The following KCTD16 variants were observed in gnomAD, a reference collection of about 807,000 sequenced individuals.
KCTD16 encodes the protein potassium channel tetramerization domain containing 16.
In KCTD16, 13 loss-of-function variants were observed where a neutral mutation model predicts 33.2. The ratio of observed to expected loss-of-function variants is 0.39; its 90% CI spans 0.25 to 0.62. The LOEUF (loss-of-function observed/expected upper bound fraction) is 0.62. Among genes scored for constraint, KCTD16 ranks in the 20% least tolerant of loss-of-function variants. The probability of loss-of-function intolerance (pLI) is 0.50; values close to 1 mark genes in which losing one functional copy is unlikely to be tolerated. For synonymous variants in KCTD16, 197 were observed against 195.3 expected (o/e 1.01, Z -0.07); for missense variants, 441 against 525.1 (o/e 0.84, Z 1.57).
chr5:144,203,233 T>A (rs1448904206), intron 2 of KCTD16, among the ~76,000 whole-genome samples: 1 of 152,068 alleles, frequency 6.6e-6, no homozygotes, highest in Non-Finnish European at 1.5e-5. Context: ...CAATTTAAAG[T>A]AATATTAATA....
At chr5:144,245,014 C>T (rs1408183580) in intron 3 of KCTD16, among the ~76,000 whole-genome samples, 1 of 152,138 alleles carries the variant, frequency 6.6e-6, no homozygotes, top group East Asian at 1.9e-4. Context: ...TATGAGAAGA[C>T]AATGATCAAT....
At chr5:144,299,898 T>TAAAAAAAAAAAAAAA (rs66821172) in intron 3 of KCTD16, among the ~76,000 whole-genome samples, 4 of 128,878 alleles carry the variant, frequency 3.1e-5, no homozygotes, top group African/African-American at 8.9e-5. Context: ...CAGAATCATT[T>TAAAAAAAAAAAAAAA]AAAAAAAAAA....
intron 3 of KCTD16, among the ~76,000 whole-genome samples, chr5:144,409,069 T>G (rs751517501): frequency 2.0e-5 from 3 of 152,132 alleles, no homozygotes; most frequent in Non-Finnish European, 4.4e-5. Context: ...CACCCATATA[T>G]CCCCAGTATC....
chr5:144,176,691 C>A (rs1035353952), intron 2 of KCTD16, among the ~76,000 whole-genome samples: 1 of 152,036 alleles, frequency 6.6e-6, no homozygotes, highest in Non-Finnish European at 1.5e-5. Flanking sequence ...CGTGAGCCAC[C>A]GCGCCCGGCC....
intron 3 of KCTD16, among the ~76,000 whole-genome samples, chr5:144,456,756 C>CT (rs979520902): frequency 0.039 from 5,342 of 137,914 alleles, 277 homozygotes; most frequent in African/African-American, 0.12. Flanking sequence ...CCACAGAACT[C>CT]TTTTTTTTTT....
At chr5:144,329,199 C>T (rs1752289985) in intron 3 of KCTD16, among the ~76,000 whole-genome samples, 1 of 152,150 alleles carries the variant, frequency 6.6e-6, no homozygotes, top group Non-Finnish European at 1.5e-5. Context: ...GCCTGACTGG[C>T]TCAGCACAGG....
At chr5:144,441,072 T>C (rs965002895) in intron 3 of KCTD16, among the ~76,000 whole-genome samples, 3 of 152,180 alleles carry the variant, frequency 2.0e-5, no homozygotes, top group East Asian at 3.9e-4. Flanking sequence ...CTGTAGATCT[T>C]TGGATCTATT....
intron 3 of KCTD16, among the ~76,000 whole-genome samples, chr5:144,394,924 T>C (rs1752532279): frequency 1.3e-5 from 2 of 152,190 alleles, no homozygotes; most frequent in Admixed American, 1.3e-4. Context: ...CAAATAACAC[T>C]AGAAGGTCCT....
intron 2 of KCTD16, among the ~76,000 whole-genome samples, chr5:144,182,355 G>A (rs151147627): frequency 2.5e-4 from 38 of 152,154 alleles, no homozygotes; most frequent in African/African-American, 7.5e-4. Context: ...CCCAGTCTGT[G>A]GCATTCTGTT....
At chr5:144,428,607 C>A (rs188250467) in intron 3 of KCTD16, among the ~76,000 whole-genome samples, 1 of 152,260 alleles carries the variant, frequency 6.6e-6, no homozygotes. Context: ...AACTTCAAGG[C>A]AAGTCATTCT....
At position 144,267,821 on chromosome 5, in the gene KCTD16, T is replaced by G. The variant is rs546886631; in HGVS notation, c.832+60275T>G. Among the ~76,000 whole-genome samples, 6 of 152,164 alleles carry G rather than the reference T, an allele frequency of 3.9e-5. No homozygotes were observed. The East Asian group carries it at 1.2e-3, about 29-fold the overall frequency. On this transcript the variant is annotated intron_variant, in intron 3 of 3. Transcript: ENST00000512467. ...TTTTCTGCTTGTTTACAGATATCAC[T>G]TTATACAAAAGCACCATTTGCAAAA...
At position 144,381,351 on chromosome 5, in the gene KCTD16, T is replaced by G. The variant is rs865931231; in HGVS notation, c.833-92309T>G. Among the ~76,000 whole-genome samples the G allele has an allele frequency of 2.6e-5, 4 of 152,200 alleles. No homozygotes were observed. In the South Asian group the frequency reaches 8.3e-4, roughly 32 times the overall value. On this transcript the variant is annotated intron_variant, in intron 3 of 3. Coordinates refer to ENST00000512467, the MANE Select transcript of KCTD16 (RefSeq NM_020768.4). ...AACATTTATACACTGCTGGTGGGAA[T>G]GTAAATTAGTTCAGCCACTGCAGAA...
At chr5:144,236,017 A>G (rs112575636) in intron 3 of KCTD16, among the ~76,000 whole-genome samples, 2,458 of 152,240 alleles carry the variant, frequency 0.016, 62 homozygotes, top group African/African-American at 0.056. Context: ...TAGAGAAATG[A>G]CATAGATCTT....
chr5:144,473,410 G>A (rs1754522365), intron 3 of KCTD16, among the ~76,000 whole-genome samples: 1 of 152,094 alleles, frequency 6.6e-6, no homozygotes, highest in Non-Finnish European at 1.5e-5. Context: ...TCTGACTCCC[G>A]TGCTCATGGG....
At chr5:144,284,356 A>G (rs143097634) in intron 3 of KCTD16, among the ~76,000 whole-genome samples, 2 of 152,344 alleles carry the variant, frequency 1.3e-5, no homozygotes, top group African/African-American at 2.4e-5. Context: ...GCTATCCACT[A>G]TGTAGGCAAT....
intron 3 of KCTD16, among the ~76,000 whole-genome samples, chr5:144,310,583 T>A (rs7715049): frequency 1.1e-5 from 1 of 87,676 alleles, no homozygotes. Flanking sequence ...AAATATTATA[T>A]ATTTTTTTTG....
At chr5:144,316,280 G>A (rs559368361) in intron 3 of KCTD16, among the ~76,000 whole-genome samples, 4 of 152,218 alleles carry the variant, frequency 2.6e-5, no homozygotes, top group African/African-American at 9.6e-5. Flanking sequence ...CTTACAGAGG[G>A]AAACCGAGCT....
intron 3 of KCTD16, chr5:144,377,900 A>C (rs1218771018): frequency 6.6e-6 from 1 of 152,136 alleles, no homozygotes; most frequent in Non-Finnish European, 1.5e-5. Flanking sequence ...TCTCTTTTTC[A>C]ATCTTATATA....
At chr5:144,231,309 A>G (rs996538910) in intron 3 of KCTD16, among the ~76,000 whole-genome samples, 4 of 152,108 alleles carry the variant, frequency 2.6e-5, no homozygotes, top group Admixed American at 1.3e-4. Context: ...GATTAAAAAT[A>G]TAGTGAGCAC....
Sources: gnomAD v4.1 joint callset for allele counts (sites outside exome capture counted in the v4.1 genomes callset) on GRCh38, gnomAD v4.1.1 for gene constraint, MANE v1.5 for transcripts, NCBI Gene and HGNC (gene_info 2026-07-23, HGNC 2026-07-21) for gene names.